The following BRIP1 variants were observed in gnomAD, a reference collection of about 807,000 sequenced individuals.
The protein encoded by BRIP1 is Fanconi anemia group J protein.
BRIP1 carries 88 observed loss-of-function variants against 119.7 expected under a neutral mutation model. That is an observed-to-expected ratio of 0.74 (90% CI 0.62 to 0.88). BRIP1 has a LOEUF of 0.88. BRIP1 is among the 40% of genes least tolerant of loss of function. The pLI is 0.00. For synonymous variants in BRIP1, 443 were observed against 496.5 expected, an observed-to-expected ratio of 0.89 and a Z score of 1.43; for missense variants, 1,259 against 1,455.4, an observed-to-expected ratio of 0.87 and a Z score of 2.20.
chr17:61,811,538 A>C (rs1390481394), intron 6 of BRIP1, among the ~76,000 whole-genome samples: 1 of 151,984 alleles, frequency 6.6e-6, no homozygotes, highest in Non-Finnish European at 1.5e-5. Flanking sequence ...GATGGTTTTC[A>C]ATAGGTACTT....
intron 16 of BRIP1, among the ~76,000 whole-genome samples, chr17:61,723,720 G>A (rs1395848759): frequency 6.6e-6 from 1 of 152,036 alleles, no homozygotes; most frequent in African/African-American, 2.4e-5. Flanking sequence ...ATACTTAATT[G>A]TACTTTTTGG....
intron 10 of BRIP1, among the ~76,000 whole-genome samples, chr17:61,787,721 T>C (rs2077753024): frequency 6.6e-6 from 1 of 152,074 alleles, no homozygotes; most frequent in Non-Finnish European, 1.5e-5. Flanking sequence ...TTCGGCTCAC[T>C]GCAAGCTCCG....
Position 61,695,503 on chromosome 17 carries a change from G to C in BRIP1, c.2493-1991C>G, listed in dbSNP as rs2061507120. On this transcript the variant is annotated intron_variant, in intron 17 of 19. Transcript: ENST00000259008. The surrounding 1 kb of genome is among the most constrained non-coding windows in gnomAD (Gnocchi z 4.3). ...CTTTTCCATAATAATTTTAGAATCA[G>C]CTTCTCAATTCCTGCCAGAAAGTCA... Among the ~76,000 whole-genome samples the C allele has an allele frequency of 6.6e-6, 1 of 152,056 alleles. No individual in the cohort carries two copies. Among genetic ancestry groups the C allele is most frequent in the Admixed American group, 6.5e-5 (1 of 15,268 alleles).
At position 61,794,406 on chromosome 17, in the gene BRIP1, G is replaced by A. The variant is rs1236972206; in HGVS notation, c.1341-677C>T. The stretch of plus-strand genomic sequence containing the variant: ...TGTCCTTTACGGGAACATAGATGGA[G>A]CTGGAGATCATATCCTTAGCAAACT... On this transcript the variant is annotated intron_variant, in intron 9 of 19. Transcript: ENST00000259008. This position sits in a 1 kb window ranked among gnomAD's most constrained non-coding sequence, Gnocchi z 4.3. Among the ~76,000 whole-genome samples the A allele has an allele frequency of 2.6e-5, 4 of 152,004 alleles. No individual in the cohort carries two copies. Among genetic ancestry groups the A allele is most frequent in the Admixed American group, 2.6e-4 (4 of 15,232 alleles).
Position 61,762,369 on chromosome 17 carries a change from C to T in BRIP1, c.2097+14032G>A, listed in dbSNP as rs562054878. 1.8e-4 allele frequency among the ~76,000 whole-genome samples: 27 copies of T among 152,074 alleles called. No individual in the cohort carries two copies. Among genetic ancestry groups the T allele is most frequent in the African/African-American group, 6.5e-4 (27 of 41,496 alleles). On this transcript the variant is annotated intron_variant, in intron 14 of 19. Transcript: ENST00000259008. This position sits in a 1 kb window ranked among gnomAD's most constrained non-coding sequence, Gnocchi z 4.3. ...GATTTTTTGGATTTGATCCCAAAAG[C>T]ACAGGCAACAAAAGCAAAAATAGGC...
Position 61,861,098 on chromosome 17 carries a change from A to T in BRIP1, c.93+349T>A, listed in dbSNP as rs1000613706. Among the ~76,000 whole-genome samples, 1 of 152,228 alleles carries T rather than the reference A, an allele frequency of 6.6e-6. No individual in the cohort carries two copies. Among genetic ancestry groups the T allele is most frequent in the African/African-American group, 2.4e-5 (1 of 41,462 alleles). On this transcript the variant is annotated intron_variant, in intron 2 of 19. Coordinates refer to ENST00000259008, the MANE Select transcript of BRIP1 (RefSeq NM_032043.3). The surrounding 1 kb of genome is among the most constrained non-coding windows in gnomAD (Gnocchi z 4.5). The stretch of plus-strand genomic sequence containing the variant: ...AAAGCTGGTTTACTCAAATTTGTAT[A>T]TTAATTTTCTACATGATCCAAACAA...
chr17:61,715,366 A>G (rs1023925953), intron 17 of BRIP1, among the ~76,000 whole-genome samples: 1 of 152,144 alleles, frequency 6.6e-6, no homozygotes. Context: ...CATTAAAATG[A>G]AAATGATTTT....
In BRIP1 at chr17:61,806,193, A is replaced by G. The variant is rs2078071053; in HGVS notation, c.918+2274T>C. On this transcript the variant is annotated intron_variant, in intron 7 of 19. Transcript: ENST00000259008. The surrounding 1 kb of genome is among the most constrained non-coding windows in gnomAD (Gnocchi z 4.9). ...AACACAACCCTGAGGAAGTCTGTCA[A>G]TTGAAGTGTTATCACACTTTAAACA... 6.6e-6 allele frequency among the ~76,000 whole-genome samples: 1 copy of G among 152,228 alleles called. No individual in the cohort carries two copies. Among genetic ancestry groups the G allele is most frequent in the Admixed American group, 6.5e-5 (1 of 15,290 alleles).
At position 61,816,779 on chromosome 17, in the gene BRIP1, G is replaced by A. The variant is rs918400913; in HGVS notation, c.628-8022C>T. Among the ~76,000 whole-genome samples, 2 of 152,040 alleles carry A rather than the reference G, an allele frequency of 1.3e-5. No individual in the cohort carries two copies. Among genetic ancestry groups the A allele is most frequent in the African/African-American group, 4.8e-5 (2 of 41,382 alleles). Reference sequence around the variant, plus strand: ...AAAAGGGGAAAAAGAAGACTCAAACGAGCAAAATGGGGAAGTGGGCGGGTA... The same window carrying A: ...AAAAGGGGAAAAAGAAGACTCAAACAAGCAAAATGGGGAAGTGGGCGGGTA... On this transcript the variant is annotated intron_variant, in intron 6 of 19. Coordinates refer to ENST00000259008, the MANE Select transcript of BRIP1 (RefSeq NM_032043.3). This position sits in a 1 kb window ranked among gnomAD's most constrained non-coding sequence, Gnocchi z 5.0.
At chr17:61,839,349 GA>G (rs2078624698) in intron 6 of BRIP1, among the ~76,000 whole-genome samples, 2 of 150,736 alleles carry the variant, frequency 1.3e-5, no homozygotes, top group African/African-American at 4.9e-5. Context: ...ATGTTAGGAA[GA>G]AAAAAATAAA....
In BRIP1 at chr17:61,710,063, CTTA is replaced by C. The variant is rs2061748328; in HGVS notation, c.2492+5885_2492+5887del. On this transcript the variant is annotated intron_variant, in intron 17 of 19. Coordinates refer to ENST00000259008, the MANE Select transcript of BRIP1 (RefSeq NM_032043.3). The surrounding 1 kb of genome is among the most constrained non-coding windows in gnomAD (Gnocchi z 5.4). ...TATTTTTTTAATTTAAAAAATTTTA[CTTA>C]TTGATTGGTTTTAAAGGGTAAGTTC... is the stretch of plus-strand genomic sequence containing the variant. Among the ~76,000 whole-genome samples, 1 of 151,840 alleles carries C rather than the reference CTTA, an allele frequency of 6.6e-6. No homozygotes were observed. The highest frequency in any genetic ancestry group is 1.5e-5 in the Non-Finnish European group (1 of 67,960).
chr17:61,756,719 C>A lies in BRIP1; in HGVS notation c.2098-12128G>T, dbSNP rs371023425. On this transcript the variant is annotated intron_variant, in intron 14 of 19. Coordinates refer to ENST00000259008, the MANE Select transcript of BRIP1 (RefSeq NM_032043.3). The surrounding 1 kb of genome is among the most constrained non-coding windows in gnomAD (Gnocchi z 4.3). ...CAATGTCCATAGCTTTTACACAGTT[C>A]CAGATGTTCAGTACATTAATAATAC... Among the ~76,000 whole-genome samples the A allele has an allele frequency of 6.6e-6, 1 of 152,162 alleles. No homozygotes were observed. Among genetic ancestry groups the A allele is most frequent in the East Asian group, 1.9e-4 (1 of 5,194 alleles).
Position 61,846,661 on chromosome 17 carries a change from ACAGGCGTGAGCCAC to A in BRIP1, c.627+426_627+439del, listed in dbSNP as rs150317715. Among the ~76,000 whole-genome samples the A allele has an allele frequency of 0.11, 17,381 of 152,200 alleles. 3,304 individuals are homozygous for A. The highest frequency in any genetic ancestry group is 0.39 in the African/African-American group (16,344 of 41,484). On this transcript the variant is annotated intron_variant, in intron 6 of 19. Transcript: ENST00000259008. The surrounding 1 kb of genome is among the most constrained non-coding windows in gnomAD (Gnocchi z 4.3). ...CTTGGCCTCCCAAAGTGCTGGGATTACAGGCGTGAGCCACCACGCCTGGCCTACAACATCTTAAT... is the reference window on the plus strand; with the variant it reads ...CTTGGCCTCCCAAAGTGCTGGGATTACACGCCTGGCCTACAACATCTTAAT...
rs186033530 is a variant in BRIP1, at chr17:61,844,720, G to A, written c.627+2381C>T. ...TATCTTGGTGTTAGAACCCTATTTA[G>A]GTGGCTCCAGGACTGCAAAGAGGCA... On this transcript the variant is annotated intron_variant, in intron 6 of 19. Coordinates refer to ENST00000259008, the MANE Select transcript of BRIP1 (RefSeq NM_032043.3). This position sits in a 1 kb window ranked among gnomAD's most constrained non-coding sequence, Gnocchi z 4.7. Among the ~76,000 whole-genome samples the A allele has an allele frequency of 4.6e-5, 7 of 152,294 alleles. No homozygotes were observed. Among genetic ancestry groups the A allele is most frequent in the Admixed American group, 3.9e-4 (6 of 15,300 alleles).
At chr17:61,765,421 A>G (rs1417378434) in intron 14 of BRIP1, among the ~76,000 whole-genome samples, 2 of 8,110 alleles carry the variant, frequency 2.5e-4, no homozygotes, top group African/African-American at 7.7e-4. Context: ...ATATATATAT[A>G]TATTTTTTTT....
chr17:61,700,705 C>T lies in BRIP1; in HGVS notation c.2493-7193G>A, dbSNP rs974100357. On this transcript the variant is annotated intron_variant, in intron 17 of 19. Transcript: ENST00000259008. This position sits in a 1 kb window ranked among gnomAD's most constrained non-coding sequence, Gnocchi z 4.1. ...TTAACGTTTTTCATCAAATTCGGAA[C>T]GTTTTCAGCCATAATTTCTTTAAAT... Among the ~76,000 whole-genome samples, 1 of 152,036 alleles carries T rather than the reference C, an allele frequency of 6.6e-6. No homozygotes were observed. The highest frequency in any genetic ancestry group is 6.6e-5 in the Admixed American group (1 of 15,250).
chr17:61,854,000 G>A lies in BRIP1; in HGVS notation c.379+3058C>T, dbSNP rs2078858786. Among the ~76,000 whole-genome samples the A allele has an allele frequency of 6.6e-6, 1 of 152,166 alleles. No homozygotes were observed. The highest frequency in any genetic ancestry group is 2.1e-4 in the South Asian group (1 of 4,830). ...TTAGAGTAGCTAAAATTAAGGCCAG[G>A]TATGGTGGCTCATGCCTATAATCCC... is the stretch of plus-strand genomic sequence containing the variant. On this transcript the variant is annotated intron_variant, in intron 4 of 19. Coordinates refer to ENST00000259008, the MANE Select transcript of BRIP1 (RefSeq NM_032043.3). The surrounding 1 kb of genome is among the most constrained non-coding windows in gnomAD (Gnocchi z 4.3).
Position 61,857,040 on chromosome 17 carries a change from A to G in BRIP1, c.379+18T>C, listed in dbSNP as rs1402237232. 1.9e-6 allele frequency: 3 copies of G among 1,611,796 alleles called. No homozygotes were observed. The highest frequency in any genetic ancestry group is 1.7e-6 in the Non-Finnish European group (2 of 1,177,880). ...TCTTATTACAGATATCAACTGACCC[A>G]GGCAAAATATAAATTACCTTGACAA... is the stretch of plus-strand genomic sequence containing the variant. On this transcript the variant is annotated intron_variant, in intron 4 of 19. Transcript: ENST00000259008. This position sits in a 1 kb window ranked among gnomAD's most constrained non-coding sequence, Gnocchi z 5.1.
rs1203438737 is a variant in BRIP1 at position 61,726,534 on chromosome 17, A to G, written c.2380-10471T>C. Reference sequence around the variant, plus strand: ...GATTCCTTCTGAAAGAGCTCTGACTACATTATTCAATGTTTGGCACATAAC... The same window carrying G: ...GATTCCTTCTGAAAGAGCTCTGACTGCATTATTCAATGTTTGGCACATAAC... On this transcript the variant is annotated intron_variant, in intron 16 of 19. Coordinates refer to ENST00000259008, the MANE Select transcript of BRIP1 (RefSeq NM_032043.3). The surrounding 1 kb of genome is among the most constrained non-coding windows in gnomAD (Gnocchi z 6.2). Among the ~76,000 whole-genome samples the G allele has an allele frequency of 1.3e-5, 2 of 152,226 alleles. No homozygotes were observed. The highest frequency in any genetic ancestry group is 2.9e-5 in the Non-Finnish European group (2 of 68,038).
Sources: allele counts gnomAD v4.1 joint callset (sites outside exome capture counted in the v4.1 genomes callset), GRCh38; gene constraint gnomAD v4.1.1; non-coding constraint Gnocchi (gnomAD v3.1); transcripts MANE v1.5; gene names NCBI Gene and HGNC (gene_info 2026-07-23, HGNC 2026-07-21).